The following CPQ variants were observed in gnomAD, a reference collection of about 807,000 sequenced individuals.
CPQ encodes carboxypeptidase Q.
A neutral mutation model predicts 45.7 loss-of-function variants in CPQ; 37 were observed. That is an observed-to-expected ratio of 0.81 (90% CI 0.62 to 1.07). The LOEUF is 1.07. Among genes scored for constraint, CPQ ranks in the 50% least tolerant of loss-of-function variants. CPQ has a pLI of 0.00. For synonymous variants in CPQ, 186 were observed against 205.8 expected, an observed-to-expected ratio of 0.90 and a Z score of 0.82; for missense variants, 537 against 572.9, an observed-to-expected ratio of 0.94 and a Z score of 0.64.
chr8:96,855,959 A>G (rs893912651), intron 3 of CPQ, among the ~76,000 whole-genome samples: 12 of 152,168 alleles, frequency 7.9e-5, no homozygotes, highest in South Asian at 2.1e-4. Context: ...AGCTGGTGCA[A>G]CAGATCAACG....
At chr8:96,992,896 G>A (rs1809118906) in intron 5 of CPQ, among the ~76,000 whole-genome samples, 1 of 152,124 alleles carries the variant, frequency 6.6e-6, no homozygotes, top group Non-Finnish European at 1.5e-5. Context: ...AACACAAATT[G>A]GAGGGAGTAT....
chr8:97,138,815 AG>A (rs888064943), intron 7 of CPQ, among the ~76,000 whole-genome samples: 21 of 152,172 alleles, frequency 1.4e-4, no homozygotes, highest in African/African-American at 4.3e-4. Flanking sequence ...AGACTTATTA[AG>A]ATGAATATGT....
chr8:97,089,904 G>A (rs1444667227), intron 7 of CPQ, among the ~76,000 whole-genome samples: 1 of 152,124 alleles, frequency 6.6e-6, no homozygotes, highest in Non-Finnish European at 1.5e-5. Context: ...AGTGTGGGGT[G>A]AGACTCAGAA....
intron 2 of CPQ, among the ~76,000 whole-genome samples, chr8:96,815,577 C>T (rs539645126): frequency 6.6e-6 from 1 of 152,082 alleles, no homozygotes; most frequent in Non-Finnish European, 1.5e-5. Flanking sequence ...ATTCTCTGAT[C>T]CCAGAAGCTC....
chr8:97,048,927 TG>T (rs1028423242), intron 6 of CPQ, among the ~76,000 whole-genome samples: 2 of 152,178 alleles, frequency 1.3e-5, no homozygotes, highest in Non-Finnish European at 2.9e-5. Flanking sequence ...CATCTTTTTC[TG>T]AATCACCAAG....
At chr8:97,114,867 T>A (rs1421027423) in intron 7 of CPQ, among the ~76,000 whole-genome samples, 1 of 152,196 alleles carries the variant, frequency 6.6e-6, no homozygotes, top group Non-Finnish European at 1.5e-5. Context: ...TGGACTCTTC[T>A]CCTCCCTCCT....
At chr8:97,122,350 A>G (rs1377717694) in intron 7 of CPQ, among the ~76,000 whole-genome samples, 9 of 152,216 alleles carry the variant, frequency 5.9e-5, no homozygotes, top group African/African-American at 1.9e-4. Context: ...GAGAAAATGC[A>G]ATGTCTTGTA....
intron 2 of CPQ, among the ~76,000 whole-genome samples, chr8:96,822,644 G>T (rs907669422): frequency 1.3e-5 from 2 of 151,792 alleles, no homozygotes; most frequent in African/African-American, 4.8e-5. Flanking sequence ...CTGCCTTTTT[G>T]TCAGATTTTG....
At chr8:96,964,903 T>A (rs1444976345) in intron 4 of CPQ, among the ~76,000 whole-genome samples, 1 of 152,148 alleles carries the variant, frequency 6.6e-6, no homozygotes, top group Non-Finnish European at 1.5e-5. Context: ...AAACCAATAT[T>A]CTATATACCC....
At position 97,028,685 on chromosome 8, in the gene CPQ, T is replaced by G. The variant is rs551033750; in HGVS notation, c.962-718T>G. 3.7e-4 allele frequency among the ~76,000 whole-genome samples: 56 copies of G among 152,326 alleles called. No individual in the cohort carries two copies. The South Asian group carries it at 0.011, about 30-fold the overall frequency. On this transcript the variant is annotated intron_variant, in intron 5 of 7. Transcript: ENST00000220763. Reference sequence around the variant, plus strand: ...GCTGACATTGTCAGCCAAAAATGGTTCTGGAGCCACTTCATCTGCCATAAA... The same window carrying G: ...GCTGACATTGTCAGCCAAAAATGGTGCTGGAGCCACTTCATCTGCCATAAA...
At chr8:96,777,493 C>T (rs1472223471) in intron 1 of CPQ, among the ~76,000 whole-genome samples, 1 of 151,828 alleles carries the variant, frequency 6.6e-6, no homozygotes, top group Non-Finnish European at 1.5e-5. Context: ...AGAATTCATC[C>T]ATTGCCACAT....
intron 7 of CPQ, among the ~76,000 whole-genome samples, chr8:97,072,994 G>T (rs1271990375): frequency 2.0e-5 from 3 of 152,112 alleles, no homozygotes; most frequent in Non-Finnish European, 4.4e-5. Flanking sequence ...TGCCAATGAG[G>T]TTTATTAACT....
At chr8:97,021,870 A>C (rs962615026) in intron 5 of CPQ, among the ~76,000 whole-genome samples, 1 of 151,898 alleles carries the variant, frequency 6.6e-6, no homozygotes, top group Admixed American at 6.6e-5. Context: ...ACAAACAAAC[A>C]AACAAAACCA....
intron 6 of CPQ, among the ~76,000 whole-genome samples, chr8:97,035,104 G>C (rs998489383): frequency 2.0e-5 from 3 of 152,110 alleles, no homozygotes; most frequent in Admixed American, 6.6e-5. Flanking sequence ...TGTTGGTCAA[G>C]ATGGTCTCGA....
intron 1 of CPQ, among the ~76,000 whole-genome samples, chr8:96,695,840 A>C (rs1466915278): frequency 3.3e-5 from 5 of 150,304 alleles, no homozygotes; most frequent in Non-Finnish European, 1.5e-5. Context: ...TACACTGTTG[A>C]TGGGACTGTA....
intron 5 of CPQ, among the ~76,000 whole-genome samples, chr8:96,973,328 G>T (rs1335657985): frequency 6.6e-6 from 1 of 151,898 alleles, no homozygotes; most frequent in Non-Finnish European, 1.5e-5. Flanking sequence ...AAAGAAAAAA[G>T]AATGAAAAAA....
intron 1 of CPQ, among the ~76,000 whole-genome samples, chr8:96,676,035 G>A (rs1809072827): frequency 1.3e-5 from 2 of 151,848 alleles, no homozygotes; most frequent in Non-Finnish European, 2.9e-5. Context: ...TGGAGTATGT[G>A]TGATATTTTG....
chr8:97,039,164 G>C (rs1224874787), intron 6 of CPQ, among the ~76,000 whole-genome samples: 2 of 152,174 alleles, frequency 1.3e-5, no homozygotes, highest in Non-Finnish European at 2.9e-5. Context: ...CCACACAACA[G>C]GCATAATTAC....
Position 96,710,804 on chromosome 8 carries a change from G to A in CPQ, c.-35+65402G>A, listed in dbSNP as rs1453166201. On this transcript the variant is annotated intron_variant, in intron 1 of 7. Coordinates refer to ENST00000220763, the MANE Select transcript of CPQ (RefSeq NM_016134.4). ...TGGAGAATGTTCCATGTGTTAATGA[G>A]AAGAATGTATATTCTGCAATTCTTG... 2.0e-5 allele frequency among the ~76,000 whole-genome samples: 3 copies of A among 152,200 alleles called. No individual in the cohort carries two copies. The South Asian group carries it at 6.2e-4, about 31-fold the overall frequency.
Sources: allele counts gnomAD v4.1 joint callset (sites outside exome capture counted in the v4.1 genomes callset), GRCh38; gene constraint gnomAD v4.1.1; transcripts MANE v1.5; gene names NCBI Gene and HGNC (gene_info 2026-07-23, HGNC 2026-07-21).